The following SUSD1 variants were observed in gnomAD, a reference collection of about 807,000 sequenced individuals.
SUSD1 encodes sushi domain containing 1.
In SUSD1, 65 loss-of-function variants were observed where a neutral mutation model predicts 86.9. The observed-to-expected ratio is 0.75, with a 90% CI of 0.61 to 0.92. SUSD1 has a LOEUF of 0.92. SUSD1 is among the 40% of genes least tolerant of loss of function. The probability of loss-of-function intolerance (pLI) is 0.00; values close to 1 mark genes in which losing one functional copy is unlikely to be tolerated. For synonymous variants in SUSD1, 346 were observed against 350.0 expected (o/e 0.99, Z 0.13); for missense variants, 850 against 929.7 (o/e 0.91, Z 1.11).
chr9:112,160,053 G>C (rs1833499668), intron 1 of SUSD1, among the ~76,000 whole-genome samples: 1 of 151,424 alleles, frequency 6.6e-6, no homozygotes, highest in African/African-American at 2.4e-5. Context: ...GAAAACACTA[G>C]AATTTTAATA....
chr9:112,124,456 A>G lies in SUSD1; in HGVS notation c.707-20T>C. 6.2e-7 allele frequency: 1 copy of G among 1,604,894 alleles called. No homozygotes were observed. Among genetic ancestry groups the G allele is most frequent in the Non-Finnish European group, 8.5e-7 (1 of 1,174,386 alleles). Reference sequence around the variant, plus strand: ...TGATCTCTGCAATGGGAACCAAGACAGCACTGGTTATAAGCCCTGACTTCC... The same window carrying G: ...TGATCTCTGCAATGGGAACCAAGACGGCACTGGTTATAAGCCCTGACTTCC... On this transcript the variant is annotated intron_variant, in intron 5 of 16. Coordinates refer to ENST00000374270, the MANE Select transcript of SUSD1 (RefSeq NM_022486.5).
At chr9:112,100,890 A>ACACACACACACAC (rs59699795) in intron 9 of SUSD1, among the ~76,000 whole-genome samples, 8 of 151,296 alleles carry the variant, frequency 5.3e-5, no homozygotes, top group Admixed American at 1.3e-4. Context: ...ACACACACAC[A>ACACACACACACAC]AATAAAATCT....
rs750560741 is a variant in SUSD1, at chr9:112,098,592, C to T, written c.1352G>A (p.Arg451Lys). 6 of 1,614,172 alleles carry T rather than the reference C, an allele frequency of 3.7e-6. No individual in the cohort carries two copies. In the East Asian group the frequency reaches 1.3e-4, roughly 36 times the overall value. Reference protein sequence around the residue: ...SHATSFNFTTREQVPVVCLDL... With the variant: ...SHATSFNFTTKEQVPVVCLDL... ...CAAACACACTACAGGCACTTGTTCC[C>T]TCGTTGTGAAGTTAAACGATGTTGC... Residue 451 changes from arginine (R) to lysine (K), a missense_variant, in exon 10 of 17, where the codon AGG (arginine) becomes AAG (lysine). Transcript: ENST00000374270.
intron 15 of SUSD1, among the ~76,000 whole-genome samples, chr9:112,049,473 G>A (rs1828096365): frequency 2.0e-5 from 3 of 152,194 alleles, no homozygotes; most frequent in Non-Finnish European, 4.4e-5. Flanking sequence ...ACTCAGGCAA[G>A]TAAGCCCAGG....
At chr9:112,157,419 C>T in intron 2 of SUSD1, 81 bp downstream of exon 2, 1 of 923,254 alleles carries the variant, frequency 1.1e-6, no homozygotes, top group Non-Finnish European at 1.7e-6. Context: ...ATGTTTTTCC[C>T]CAAGGACATC....
At chr9:112,068,835 G>T (rs1417029947) in intron 12 of SUSD1, among the ~76,000 whole-genome samples, 2 of 152,226 alleles carry the variant, frequency 1.3e-5, no homozygotes, top group East Asian at 3.8e-4. Context: ...CTCGAGGTCT[G>T]CTGCAAGTGA....
chr9:112,058,365 A>G, intron 14 of SUSD1, 63 bp downstream of exon 14: 1 of 1,554,040 alleles, frequency 6.4e-7, no homozygotes, highest in South Asian at 1.2e-5. Flanking sequence ...TAAATGTTCA[A>G]ACATTTAAAT....
chr9:112,113,205 AG>A lies in SUSD1; in HGVS notation c.887-338del, dbSNP rs1831175973. On this transcript the variant is annotated intron_variant, in intron 6 of 16. Transcript: ENST00000374270. This position sits in a 1 kb window ranked among gnomAD's most constrained non-coding sequence, Gnocchi z 4.1. ...GAATGAGGCCCAGAGCTGGGTCCTC[AG>A]TGAGACCTTCCCTGCAACTGCACAG... 6.6e-6 allele frequency among the ~76,000 whole-genome samples: 1 copy of A among 152,196 alleles called. No homozygotes were observed.
At chr9:112,074,693 T>G (rs1829435953) in intron 12 of SUSD1, among the ~76,000 whole-genome samples, 1 of 152,142 alleles carries the variant, frequency 6.6e-6, no homozygotes. Flanking sequence ...TTCATGATTT[T>G]ACCGAAATAA....
chr9:112,059,596 C>T (rs1589590787), intron 13 of SUSD1, among the ~76,000 whole-genome samples: 1 of 152,106 alleles, frequency 6.6e-6, no homozygotes, highest in East Asian at 1.9e-4. Flanking sequence ...TCTGACAACA[C>T]CCTGAAACAG....
intron 5 of SUSD1, among the ~76,000 whole-genome samples, chr9:112,135,745 T>C (rs1832235337): frequency 6.6e-6 from 1 of 152,214 alleles, no homozygotes; most frequent in South Asian, 2.1e-4. Flanking sequence ...CTGCCACTCC[T>C]CACTAGAAAA....
In SUSD1 at chr9:112,142,406, C is replaced by G. The variant is rs762573538; in HGVS notation, c.620G>C (p.Arg207Thr). ...SLGSQVRYAC[R>T]EGFFSVPEDT... ...TTCTGGAACACTGAAGAATCCTTCTCTGCAAGCATAACGAACCTGGCTGCC... is the reference window on the plus strand; with the variant it reads ...TTCTGGAACACTGAAGAATCCTTCTGTGCAAGCATAACGAACCTGGCTGCC... The change falls in exon 5 of 17, where the codon AGA becomes ACA. Residue 207 changes from arginine (R) to threonine (T), a missense_variant. Arg to Thr is a moderately conservative substitution (Grantham distance 71). Transcript: ENST00000374270. The G allele has an allele frequency of 2.0e-5, 32 of 1,614,026 alleles. No individual in the cohort carries two copies. The South Asian group carries it at 2.4e-4, about 12-fold the overall frequency.
intron 8 of SUSD1, among the ~76,000 whole-genome samples, chr9:112,104,349 A>G (rs1160955645): frequency 2.6e-5 from 4 of 152,010 alleles, no homozygotes; most frequent in Non-Finnish European, 5.9e-5. Flanking sequence ...GCAACAAGGT[A>G]TATATTAAAA....
chr9:112,060,979 C>A (rs1460787722), intron 13 of SUSD1, among the ~76,000 whole-genome samples: 1 of 152,160 alleles, frequency 6.6e-6, no homozygotes, highest in African/African-American at 2.4e-5. Flanking sequence ...TTAGCCTGAC[C>A]GTAATCACCT....
At chr9:112,115,564 T>G (rs1336678062) in intron 6 of SUSD1, among the ~76,000 whole-genome samples, 1 of 152,126 alleles carries the variant, frequency 6.6e-6, no homozygotes, top group African/African-American at 2.4e-5. Flanking sequence ...CCTAGCACTT[T>G]GCGGGGCTGA....
At chr9:112,059,426 G>A (rs530082384) in intron 13 of SUSD1, among the ~76,000 whole-genome samples, 2 of 152,340 alleles carry the variant, frequency 1.3e-5, no homozygotes, top group East Asian at 3.9e-4. Context: ...GCCTACCACA[G>A]TGAATGTACT....
rs1832674251 is a variant in SUSD1 at position 112,143,502 on chromosome 9, G to C, written c.495C>G (p.Phe165Leu). 2.5e-6 allele frequency: 4 copies of C among 1,613,798 alleles called. No homozygotes were observed. Among genetic ancestry groups the C allele is most frequent in the Non-Finnish European group, 3.4e-6 (4 of 1,179,936 alleles). Reference sequence around the variant, plus strand: ...ATGATGTGGCATCGGTGGTCGGGTGGAAAGGTTCAGGTCCATTCCTTGGCA... The same window carrying C: ...ATGATGTGGCATCGGTGGTCGGGTGCAAAGGTTCAGGTCCATTCCTTGGCA... ...GYLPRNGPEP[F>L]HPTTDATSCT... is the part of the protein sequence containing the mutation. The change falls in exon 4 of 17, where the codon TTC (phenylalanine) becomes TTG (leucine). Residue 165 changes from phenylalanine to leucine, a missense_variant. Physicochemically the swap from Phe to Leu is conservative, Grantham distance 22. Coordinates refer to ENST00000374270, the MANE Select transcript of SUSD1 (RefSeq NM_022486.5).
chr9:112,143,339 T>A, intron 4 of SUSD1, 132 bp downstream of exon 4: 13 of 920,248 alleles, frequency 1.4e-5, no homozygotes, highest in Non-Finnish European at 2.1e-5. Flanking sequence ...TTGCTTTATG[T>A]CATAGGTTGT....
intron 15 of SUSD1, chr9:112,042,209 G>C (rs1350971066): frequency 1.3e-6 from 2 of 1,496,540 alleles, no homozygotes; most frequent in East Asian, 2.5e-5. Flanking sequence ...AGTTACAAGG[G>C]AGAAAACAGC....
Sources: gnomAD v4.1 joint callset for allele counts (sites outside exome capture counted in the v4.1 genomes callset) on GRCh38, gnomAD v4.1.1 for gene constraint, Gnocchi (gnomAD v3.1) non-coding constraint, MANE v1.5 for transcripts, NCBI Gene and HGNC (gene_info 2026-07-23, HGNC 2026-07-21) for gene names.